Variants in EXOC4 observed in about 807,000 individuals in gnomAD.
The protein encoded by EXOC4 is SEC8-like 1.
In EXOC4, 71 loss-of-function variants were observed where a neutral mutation model predicts 107.2. The observed-to-expected ratio is 0.66, with a 90% CI of 0.55 to 0.81. The LOEUF (loss-of-function observed/expected upper bound fraction) is 0.81, where lower values mean the gene tolerates loss of function less well. Ranked by LOEUF, EXOC4 falls within the 30% of genes least tolerant of loss-of-function variation. The probability of loss-of-function intolerance (pLI) is 0.00; values close to 1 mark genes in which losing one functional copy is unlikely to be tolerated. For synonymous variants in EXOC4, 456 were observed against 441.2 expected (o/e 1.03, Z -0.42); for missense variants, 1,108 against 1,189.6 (o/e 0.93, Z 1.01).
At chr7:133,896,820 C>T (rs377256819) in intron 12 of EXOC4, among the ~76,000 whole-genome samples, 12 of 112,160 alleles carry the variant, frequency 1.1e-4, no homozygotes, top group African/African-American at 3.9e-4. Context: ...TGCGCGCCAC[C>T]ATGTCTGGCT....
chr7:133,600,688 A>C (rs1801785871), intron 9 of EXOC4, among the ~76,000 whole-genome samples: 1 of 152,226 alleles, frequency 6.6e-6, no homozygotes, highest in South Asian at 2.1e-4. Flanking sequence ...AAATAAATAA[A>C]GTCTGACTCA....
chr7:133,370,011 T>C (rs1172480164), intron 6 of EXOC4, among the ~76,000 whole-genome samples: 1 of 152,148 alleles, frequency 6.6e-6, no homozygotes, highest in East Asian at 1.9e-4. Context: ...TCCATGTTGG[T>C]CAGGCTCCCG....
rs751856942 is a variant in EXOC4, at chr7:134,007,689, G to C, written c.2541G>C (p.Leu847=). The part of the protein sequence containing the change: ...FQYIFEGLGH[L]ISCILINGAQ... Reference sequence around the variant, plus strand: ...CTGACCCCTCAGGCCTGGGCCACCTGATCTCCTGCATCCTCATTAATGGTG... The same window carrying C: ...CTGACCCCTCAGGCCTGGGCCACCTCATCTCCTGCATCCTCATTAATGGTG... The change falls in exon 17 of 18, where the codon CTG becomes CTC. Residue 847 remains leucine, a synonymous_variant. Coordinates refer to ENST00000253861, the MANE Select transcript of EXOC4 (RefSeq NM_021807.4). The C allele has an allele frequency of 3.7e-6, 6 of 1,613,058 alleles. No individual in the cohort carries two copies. The African/African-American group carries it at 8.0e-5, about 22-fold the overall frequency.
At chr7:133,725,598 A>G (rs911585306) in intron 10 of EXOC4, among the ~76,000 whole-genome samples, 1 of 152,136 alleles carries the variant, frequency 6.6e-6, no homozygotes, top group Non-Finnish European at 1.5e-5. Flanking sequence ...CTGGTATCAA[A>G]CTGCAGACCT....
intron 6 of EXOC4, among the ~76,000 whole-genome samples, chr7:133,369,500 C>T (rs1303393755): frequency 6.6e-6 from 1 of 152,090 alleles, no homozygotes; most frequent in African/African-American, 2.4e-5. Flanking sequence ...TGCTGGTATT[C>T]TCTTCTCTTT....
At chr7:133,381,948 TTGAC>T (rs1345295637) in intron 7 of EXOC4, among the ~76,000 whole-genome samples, 1 of 152,152 alleles carries the variant, frequency 6.6e-6, no homozygotes, top group African/African-American at 2.4e-5. Flanking sequence ...CCACCTTTGA[TTGAC>T]TGAAACAAGA....
At chr7:133,254,114 A>G (rs1458360958) in intron 1 of EXOC4, 2 of 152,134 alleles carry the variant, frequency 1.3e-5, no homozygotes, top group African/African-American at 2.4e-5. Flanking sequence ...TCTGGAATGT[A>G]TTGATCATCT....
chr7:133,561,161 T>TGGTCAC (rs1378714092), intron 9 of EXOC4, among the ~76,000 whole-genome samples: 1 of 152,182 alleles, frequency 6.6e-6, no homozygotes, highest in East Asian at 1.9e-4. Flanking sequence ...TGTTTCTGCC[T>TGGTCAC]GGTCACATGA....
intron 11 of EXOC4, among the ~76,000 whole-genome samples, chr7:133,857,145 CACGT>C (rs1480296159): frequency 5.7e-5 from 2 of 35,000 alleles, no homozygotes; most frequent in Non-Finnish European, 9.7e-5. Context: ...TATACACATA[CACGT>C]ATATATATAT....
At chr7:133,734,202 G>A (rs773283823) in intron 10 of EXOC4, among the ~76,000 whole-genome samples, 2 of 152,152 alleles carry the variant, frequency 1.3e-5, no homozygotes, top group Admixed American at 1.3e-4. Flanking sequence ...GACAGCTTCC[G>A]TTAGCAGCCC....
chr7:134,095,635 G>A, the EXOC4 span, among the ~76,000 whole-genome samples: 1 of 152,032 alleles, frequency 6.6e-6, no homozygotes, highest in Non-Finnish European at 1.5e-5. Context: ...ATACACCAAT[G>A]AAACAGAATA....
intron 11 of EXOC4, among the ~76,000 whole-genome samples, chr7:133,879,017 G>A (rs560741170): frequency 9.9e-5 from 15 of 152,168 alleles, no homozygotes; most frequent in Admixed American, 7.9e-4. Flanking sequence ...GAGCCACTGC[G>A]CCTGGCCTCA....
At chr7:133,500,521 A>T (rs1289566420) in intron 9 of EXOC4, among the ~76,000 whole-genome samples, 1 of 152,062 alleles carries the variant, frequency 6.6e-6, no homozygotes, top group Non-Finnish European at 1.5e-5. Context: ...GATACTGCTT[A>T]TTGCTTATCC....
At chr7:133,971,334 G>GTGTATATA (rs1413652002) in intron 14 of EXOC4, among the ~76,000 whole-genome samples, 2 of 41,788 alleles carry the variant, frequency 4.8e-5, no homozygotes, top group African/African-American at 2.0e-4. Context: ...GGGAAAATGT[G>GTGTATATA]TATATATATA....
At chr7:133,665,533 A>C (rs933974356) in intron 10 of EXOC4, among the ~76,000 whole-genome samples, 1 of 152,126 alleles carries the variant, frequency 6.6e-6, no homozygotes, top group Non-Finnish European at 1.5e-5. Context: ...TTGACCATGA[A>C]CTATTGAATG....
chr7:133,703,109 A>T (rs1051580891), intron 10 of EXOC4, among the ~76,000 whole-genome samples: 9 of 151,890 alleles, frequency 5.9e-5, no homozygotes, highest in African/African-American at 2.2e-4. Context: ...CTCACTTGAC[A>T]TGTGAAATCC....
At chr7:133,510,106 G>A (rs959759653) in intron 9 of EXOC4, among the ~76,000 whole-genome samples, 3 of 152,112 alleles carry the variant, frequency 2.0e-5, no homozygotes, top group Admixed American at 6.5e-5. Flanking sequence ...ACCCATTTAC[G>A]TTATCCCTTG....
chr7:133,566,719 C>G (rs1800912950), intron 9 of EXOC4, among the ~76,000 whole-genome samples: 1 of 152,126 alleles, frequency 6.6e-6, no homozygotes, highest in African/African-American at 2.4e-5. Context: ...TCCTTAATGT[C>G]TAAAACAGTA....
the EXOC4 span, among the ~76,000 whole-genome samples, chr7:134,081,377 A>C: frequency 6.6e-6 from 1 of 151,848 alleles, no homozygotes; most frequent in African/African-American, 2.4e-5. Flanking sequence ...AATAAATAAA[A>C]CAGCAGCCCC....
Sources: allele counts gnomAD v4.1 joint callset (sites outside exome capture counted in the v4.1 genomes callset), GRCh38; gene constraint gnomAD v4.1.1; transcripts MANE v1.5; gene names NCBI Gene and HGNC (gene_info 2026-07-23, HGNC 2026-07-21).